The following PCDHGA5 variants were observed in gnomAD, a reference collection of about 807,000 sequenced individuals.
PCDHGA5 encodes the protein protocadherin gamma subfamily A, 5, also known as protocadherin gamma-A5.
PCDHGA5 carries 36 observed loss-of-function variants against 56.7 expected under a neutral mutation model. The observed-to-expected ratio is 0.64, with a 90% CI of 0.49 to 0.84. PCDHGA5 has a LOEUF of 0.84. Among genes scored for constraint, PCDHGA5 ranks in the 40% least tolerant of loss-of-function variants. The pLI is 0.00. For synonymous variants in PCDHGA5, 563 were observed against 520.2 expected (o/e 1.08, Z -1.12); for missense variants, 1,305 against 1,201.5 (o/e 1.09, Z -1.27).
chr5:141,415,885 C>A (rs778154458), intron 1 of PCDHGA5: 7 of 978,904 alleles, frequency 7.2e-6, no homozygotes, highest in Non-Finnish European at 9.6e-6. Context: ...ACAATATTGA[C>A]AATTCCTAAG....
chr5:141,402,882 G>C, intron 1 of PCDHGA5: 2 of 1,479,680 alleles, frequency 1.4e-6, no homozygotes, highest in East Asian at 4.8e-5. Context: ...TACTTTGCAG[G>C]GTGGAAGAAA....
Position 141,365,873 on chromosome 5 carries a change from T to A in PCDHGA5, c.1543T>A (p.Tyr515Asn). Residue 515 changes from tyrosine to asparagine, a missense_variant, in exon 1 of 4, where the codon TAT becomes AAT. By Grantham distance (143) the Tyr-to-Asn change is moderately radical. Coordinates refer to ENST00000518069, the MANE Select transcript of PCDHGA5 (RefSeq NM_018918.3). ...VSINSDTGVL[Y>N]ALRSFDYEQL... Reference sequence around the variant, plus strand: ...CATTAACTCTGACACCGGTGTCCTGTATGCTCTGAGATCCTTCGACTATGA... The same window carrying A: ...CATTAACTCTGACACCGGTGTCCTGAATGCTCTGAGATCCTTCGACTATGA... 2.5e-6 allele frequency: 4 copies of A among 1,614,096 alleles called. No homozygotes were observed. Among genetic ancestry groups the A allele is most frequent in the Non-Finnish European group, 3.4e-6 (4 of 1,179,942 alleles).
rs1458644316 is a variant in PCDHGA5 at position 141,372,571 on chromosome 5, A to G, written c.2421+5820A>G. 1.9e-6 allele frequency: 3 copies of G among 1,613,904 alleles called. No individual in the cohort carries two copies. In the Admixed American group the frequency reaches 5.0e-5, roughly 27 times the overall value. ...TCCTCCAGACCCGCCACTGAGGGCT[A>G]CTTTCAGCCTGGTGTCTGCTTCAAG... On this transcript the variant is annotated intron_variant, in intron 1 of 3. Transcript: ENST00000518069.
At chr5:141,482,530 C>CAAAAAAAAAAAAAAA (rs3074545) in intron 1 of PCDHGA5, among the ~76,000 whole-genome samples, 1 of 76,562 alleles carries the variant, frequency 1.3e-5, no homozygotes, top group African/African-American at 4.8e-5. Flanking sequence ...GACAGACATG[C>CAAAAAAAAAAAAAAA]AAAAAAAAAA....
intron 1 of PCDHGA5, chr5:141,411,017 A>C (rs140607036): frequency 6.2e-6 from 1 of 162,372 alleles, no homozygotes; most frequent in Non-Finnish European, 1.3e-5. Context: ...CCACAGCTAA[A>C]TTTTTTGTAT....
chr5:141,400,473 G>T (rs1196529035), intron 1 of PCDHGA5: 1 of 1,613,946 alleles, frequency 6.2e-7, no homozygotes, highest in Non-Finnish European at 8.5e-7. Context: ...ATTCATCTGG[G>T]GCCTTATTTC....
intron 1 of PCDHGA5, chr5:141,387,783 C>A: frequency 6.8e-7 from 1 of 1,467,932 alleles, no homozygotes; most frequent in Non-Finnish European, 9.1e-7. Context: ...TGAACTGGAA[C>A]TGCAACTAAA....
intron 1 of PCDHGA5, chr5:141,400,231 G>C: frequency 6.2e-7 from 1 of 1,613,988 alleles, no homozygotes; most frequent in South Asian, 1.1e-5. Context: ...CTTCCTCCTG[G>C]CCGTGATTCT....
At chr5:141,462,071 C>T (rs1473972601) in intron 1 of PCDHGA5, among the ~76,000 whole-genome samples, 1 of 152,214 alleles carries the variant, frequency 6.6e-6, no homozygotes, top group African/African-American at 2.4e-5. Context: ...GATCTGCCCG[C>T]CTTGGCCTCC....
At chr5:141,406,011 G>A (rs1380278745) in intron 1 of PCDHGA5, among the ~76,000 whole-genome samples, 7 of 151,702 alleles carry the variant, frequency 4.6e-5, no homozygotes, top group African/African-American at 1.7e-4. Context: ...CATTGATGTG[G>A]GCTTTTTGGG....
chr5:141,453,021 A>G (rs1008711775), intron 1 of PCDHGA5, among the ~76,000 whole-genome samples: 1 of 152,200 alleles, frequency 6.6e-6, no homozygotes, highest in Non-Finnish European at 1.5e-5. Context: ...TATGTGATTC[A>G]TTAAAATAAA....
chr5:141,407,704 T>C (rs977444941), intron 1 of PCDHGA5, among the ~76,000 whole-genome samples: 5 of 152,144 alleles, frequency 3.3e-5, no homozygotes, highest in Admixed American at 1.3e-4. Context: ...TTGTTGAAGG[T>C]GGGGTGATGG....
In PCDHGA5 at chr5:141,374,604, G is replaced by A. The variant is rs538426396; in HGVS notation, c.2421+7853G>A. ...TCCCTTCAGGGATTTAAGCTCAGTG[G>A]TAATAGTCACTTCTCAGTGGACGTG... On this transcript the variant is annotated intron_variant, in intron 1 of 3. Coordinates refer to ENST00000518069, the MANE Select transcript of PCDHGA5 (RefSeq NM_018918.3). 4.6e-5 allele frequency: 75 copies of A among 1,613,652 alleles called. No individual in the cohort carries two copies. In the South Asian group the frequency reaches 6.8e-4, roughly 15 times the overall value.
chr5:141,494,185 GAC>G (rs2099752607), intron 1 of PCDHGA5, among the ~76,000 whole-genome samples: 1 of 152,154 alleles, frequency 6.6e-6, no homozygotes, highest in Non-Finnish European at 1.5e-5. Context: ...AGTGTCCCGG[GAC>G]TTGGATGCCC....
intron 1 of PCDHGA5, among the ~76,000 whole-genome samples, chr5:141,463,505 G>A (rs1213601894): frequency 7.3e-6 from 1 of 137,472 alleles, no homozygotes; most frequent in Non-Finnish European, 1.5e-5. Flanking sequence ...CTGGAGTGAC[G>A]TGGCGTGATC....
intron 1 of PCDHGA5, among the ~76,000 whole-genome samples, chr5:141,453,225 C>T (rs2098758997): frequency 6.6e-6 from 1 of 152,044 alleles, no homozygotes; most frequent in African/African-American, 2.4e-5. Context: ...GCGATCCTCC[C>T]ACCTCAGCCT....
chr5:141,438,526 G>A (rs188552043), intron 1 of PCDHGA5, among the ~76,000 whole-genome samples: 11 of 143,330 alleles, frequency 7.7e-5, no homozygotes, highest in Non-Finnish European at 1.5e-4. Flanking sequence ...ATTTTACATG[G>A]ACTTTTCCTC....
intron 1 of PCDHGA5, chr5:141,393,214 A>AT (rs1561641117): frequency 1.2e-6 from 2 of 1,613,518 alleles, no homozygotes; most frequent in East Asian, 2.2e-5. Flanking sequence ...CCAAAATTCC[A>AT]GGTCGAAGAT....
At position 141,365,182 on chromosome 5, in the gene PCDHGA5, A is replaced by G; in HGVS notation, c.852A>G (p.Glu284=). 1 of 1,613,876 alleles carries G rather than the reference A, an allele frequency of 6.2e-7. No homozygotes were observed. Among genetic ancestry groups the G allele is most frequent in the East Asian group, 2.2e-5 (1 of 44,890 alleles). The change falls in exon 1 of 4, where the codon GAA becomes GAG. Residue 284 remains glutamate, a synonymous_variant. Transcript: ENST00000518069. ...NGKLTYSFRN[E]EEKISETFQL... ...AATTGACCTACTCTTTTCGCAATGA[A>G]GAAGAAAAAATTTCGGAGACTTTCC...
Sources: allele counts gnomAD v4.1 joint callset (sites outside exome capture counted in the v4.1 genomes callset), GRCh38; gene constraint gnomAD v4.1.1; transcripts MANE v1.5; gene names NCBI Gene and HGNC (gene_info 2026-07-23, HGNC 2026-07-21).